LRCH4: variants seen among roughly 807,000 people sequenced by gnomAD.
LRCH4 encodes leucine-rich repeat and calponin homology domain-containing protein 4.
LRCH4 carries 56 observed loss-of-function variants against 81.2 expected under a neutral mutation model. The observed-to-expected ratio is 0.69, with a 90% CI of 0.56 to 0.86. LRCH4 has a LOEUF of 0.86. Among genes scored for constraint, LRCH4 ranks in the 40% least tolerant of loss-of-function variants. The pLI, the probability that LRCH4 is intolerant of heterozygous loss-of-function variation, is 0.00. For missense variants in LRCH4, 895 were observed against 922.8 expected, an observed-to-expected ratio of 0.97 and a Z score of 0.39; for synonymous variants, 442 against 409.7, an observed-to-expected ratio of 1.08 and a Z score of -0.95.
At chr7:100,576,835 T>C in intron 13 of LRCH4, 58 bp from the exon 14 acceptor site, 1 of 1,533,896 alleles carries the variant, frequency 6.5e-7, no homozygotes, top group Non-Finnish European at 8.9e-7. Context: ...ATCCCCTCTG[T>C]GTCCCTCTCT....
chr7:100,585,736 T>C (rs1792706968), intron 1 of LRCH4, 145 bp downstream of exon 1: 1 of 774,250 alleles, frequency 1.3e-6, no homozygotes, highest in Middle Eastern at 4.0e-4. Flanking sequence ...TGGGAGAGGA[T>C]GGCTGCAGGT....
rs2075668 is a variant in LRCH4 at position 100,575,858 on chromosome 7, A to C, written c.1776+13T>G. ...CCGGCCCATCCCCCACCTCTTCCCC[A>C]GCCCCAACTGACCACAGCAGGGGAG... On this transcript the variant is annotated intron_variant, in intron 16 of 17. Transcript: ENST00000310300. The surrounding 1 kb of genome is among the most constrained non-coding windows in gnomAD (Gnocchi z 5.3). 48 of 1,611,966 alleles carry C rather than the reference A, an allele frequency of 3.0e-5. No individual in the cohort carries two copies. In the Admixed American group the frequency reaches 7.8e-4, roughly 26 times the overall value.
Position 100,574,783 on chromosome 7 carries a change from A to G in LRCH4, c.*324T>C, listed in dbSNP as rs1462633522. 3 of 283,976 alleles carry G rather than the reference A, an allele frequency of 1.1e-5. No homozygotes were observed. In the East Asian group the frequency reaches 1.9e-4, roughly 18 times the overall value. The allele number at this position is 283,976 out of a possible 1,614,324, so 17.6% of individuals were successfully genotyped here. ...CCCCCATAGCAGCTGTTGGGGGGGG[A>G]AGGGGAGGGCACAGGAGGAAGGGGG... On this transcript the variant is annotated 3_prime_UTR_variant, in exon 18 of 18. Transcript: ENST00000310300.
At position 100,577,440 on chromosome 7, in the gene LRCH4, A is replaced by T; in HGVS notation, c.1179-51T>A. ...GGGCAGACCCCGGGGTCAGGGAAGGAGGCGGTTGGGGGGTGGGAGGATCGG... is the reference window on the plus strand; with the variant it reads ...GGGCAGACCCCGGGGTCAGGGAAGGTGGCGGTTGGGGGGTGGGAGGATCGG... On this transcript the variant is annotated intron_variant, in intron 10 of 17. Transcript: ENST00000310300. The surrounding 1 kb of genome is among the most constrained non-coding windows in gnomAD (Gnocchi z 6.7). The T allele has an allele frequency of 6.2e-7, 1 of 1,601,202 alleles. No individual in the cohort carries two copies. Among genetic ancestry groups the T allele is most frequent in the South Asian group, 1.1e-5 (1 of 91,062 alleles).
Position 100,575,384 on chromosome 7 carries a change from C to T in LRCH4, c.1855-80G>A, listed in dbSNP as rs1402447998. On this transcript the variant is annotated intron_variant, in intron 17 of 17. Coordinates refer to ENST00000310300, the MANE Select transcript of LRCH4 (RefSeq NM_002319.5). This position sits in a 1 kb window ranked among gnomAD's most constrained non-coding sequence, Gnocchi z 5.3. ...AGCAGGACAGTCCCTCCCACCCCTG[C>T]CCTCACGTGCTGGGGCCAGAACCAC... The T allele has an allele frequency of 3.8e-6, 5 of 1,325,208 alleles. No individual in the cohort carries two copies. The Admixed American group carries it at 8.4e-5, about 22-fold the overall frequency. The allele number at this position is 1,325,208 out of a possible 1,614,324, so 82.1% of individuals were successfully genotyped here. A position where few individuals can be genotyped will look rare whatever the true frequency, so the allele number is the denominator to read the frequency against.
chr7:100,585,380 G>A (rs376047488), intron 1 of LRCH4: 168 of 155,076 alleles, frequency 1.1e-3, no homozygotes, highest in African/African-American at 3.7e-3. Flanking sequence ...GGACCTTAGG[G>A]GGCGGGGTTG....
intron 1 of LRCH4, chr7:100,584,328 G>A (rs539812754): frequency 3.1e-5 from 13 of 424,952 alleles, no homozygotes; most frequent in African/African-American, 2.6e-4. Context: ...GTAGAGAGTG[G>A]GGCAGAGGAG....
rs1365438485 is a variant in LRCH4 at position 100,577,015 on chromosome 7, G to A, written c.1365-10C>T. On this transcript the variant is annotated splice_polypyrimidine_tract_variant and intron_variant, in intron 12 of 17. Transcript: ENST00000310300. This position sits in a 1 kb window ranked among gnomAD's most constrained non-coding sequence, Gnocchi z 6.7. The stretch of plus-strand genomic sequence containing the variant: ...GGACTTAGGCGAGCCGCTGAGGAGA[G>A]ACAGAAGGGAATTAGAGGGATGATG... 21 of 1,613,632 alleles carry A rather than the reference G, an allele frequency of 1.3e-5. No homozygotes were observed. Among genetic ancestry groups the A allele is most frequent in the Non-Finnish European group, 1.7e-5 (20 of 1,179,700 alleles).
chr7:100,576,819 A>C (rs1801376646), intron 13 of LRCH4, 42 bp from the exon 14 acceptor site: 1 of 1,544,982 alleles, frequency 6.5e-7, no homozygotes, highest in Non-Finnish European at 8.8e-7. Flanking sequence ...GGCAGGTGAG[A>C]CAGGCATCCC....
Position 100,582,282 on chromosome 7 carries a change from C to T in LRCH4, c.365+33G>A, listed in dbSNP as rs925099315. 1.5e-5 allele frequency: 24 copies of T among 1,613,740 alleles called. No homozygotes were observed. The highest frequency in any genetic ancestry group is 9.3e-5 in the African/African-American group (7 of 74,912). ...GTAGTACTTGAGACTGAGAAGCACACGCTCCCACGTGGCCCTGGCTCGGCC... is the reference window on the plus strand; with the variant it reads ...GTAGTACTTGAGACTGAGAAGCACATGCTCCCACGTGGCCCTGGCTCGGCC... On this transcript the variant is annotated intron_variant, in intron 2 of 17. Coordinates refer to ENST00000310300, the MANE Select transcript of LRCH4 (RefSeq NM_002319.5). The surrounding 1 kb of genome is among the most constrained non-coding windows in gnomAD (Gnocchi z 5.0).
At position 100,576,925 on chromosome 7, in the gene LRCH4, T is replaced by C; in HGVS notation, c.1445A>G (p.Glu482Gly). ...ACCTGGTCCAGCTATGGGAAGGGGC[T>C]CTTGGGAGGCAGGGGCAGGGGCGGG... ...GAPAPAPASQ[E>G]PLPIAGPATA... Residue 482 changes from glutamate to glycine, a missense_variant, in exon 13 of 18, where the codon GAG becomes GGG. Physicochemically the swap from Glu to Gly is moderately conservative, Grantham distance 98. Transcript: ENST00000310300. 1 of 1,563,898 alleles carries C rather than the reference T, an allele frequency of 6.4e-7. No homozygotes were observed. Among genetic ancestry groups the C allele is most frequent in the Non-Finnish European group, 8.7e-7 (1 of 1,152,426 alleles).
Position 100,575,700 on chromosome 7 carries a change from C to T in LRCH4, c.1854+5G>A. 6.2e-7 allele frequency: 1 copy of T among 1,614,120 alleles called. No homozygotes were observed. Among genetic ancestry groups the T allele is most frequent in the Non-Finnish European group, 8.5e-7 (1 of 1,179,948 alleles). On this transcript the variant is annotated splice_donor_5th_base_variant and intron_variant, in intron 17 of 17. Coordinates refer to ENST00000310300, the MANE Select transcript of LRCH4 (RefSeq NM_002319.5). This position sits in a 1 kb window ranked among gnomAD's most constrained non-coding sequence, Gnocchi z 5.3. ...CCACCACTCTTTAGAAAGCAGCCCC[C>T]ATACCTCAGGCACCCCCATTTTTCG... is the stretch of plus-strand genomic sequence containing the variant.
Position 100,577,058 on chromosome 7 carries a change from G to C in LRCH4, c.1364+28C>G, listed in dbSNP as rs752251851. On this transcript the variant is annotated intron_variant, in intron 12 of 17. Transcript: ENST00000310300. The surrounding 1 kb of genome is among the most constrained non-coding windows in gnomAD (Gnocchi z 6.7). The stretch of plus-strand genomic sequence containing the variant: ...GGATGATGGTCATAGGAAGAGGAGT[G>C]GGGAGGGGATGCTGGCAGGAAACCT... 1.2e-6 allele frequency: 2 copies of C among 1,614,070 alleles called. No individual in the cohort carries two copies. Among genetic ancestry groups the C allele is most frequent in the Non-Finnish European group, 8.5e-7 (1 of 1,179,948 alleles).
rs1449168673 is a variant in LRCH4 at position 100,577,266 on chromosome 7, G to A, written c.1295+7C>T. On this transcript the variant is annotated splice_region_variant and intron_variant, in intron 11 of 17. Coordinates refer to ENST00000310300, the MANE Select transcript of LRCH4 (RefSeq NM_002319.5). This position sits in a 1 kb window ranked among gnomAD's most constrained non-coding sequence, Gnocchi z 6.7. ...CAGCAACAGCCCCGGGCGGCCCTGG[G>A]TCCCACCTATCCTTCCTCGGGGCCC... 1.7e-5 allele frequency: 28 copies of A among 1,602,358 alleles called. No individual in the cohort carries two copies. Among genetic ancestry groups the A allele is most frequent in the Non-Finnish European group, 2.3e-5 (27 of 1,178,966 alleles).
Position 100,575,018 on chromosome 7 carries a change from C to A in LRCH4, c.*89G>T. On this transcript the variant is annotated 3_prime_UTR_variant, in exon 18 of 18. Coordinates refer to ENST00000310300, the MANE Select transcript of LRCH4 (RefSeq NM_002319.5). The surrounding 1 kb of genome is among the most constrained non-coding windows in gnomAD (Gnocchi z 5.3). The stretch of plus-strand genomic sequence containing the variant: ...GGTGCACTAGTGTCTTTGGTTGGGG[C>A]TGAAGGCACCGCAGGTGGGGTCGGG... The A allele has an allele frequency of 2.4e-6, 3 of 1,274,294 alleles. No homozygotes were observed. Among genetic ancestry groups the A allele is most frequent in the Non-Finnish European group, 3.2e-6 (3 of 924,252 alleles). 78.9% of individuals were successfully genotyped at this position (1,274,294 alleles called of 1,614,324 possible).
chr7:100,576,133 C>T, intron 15 of LRCH4, 105 bp downstream of exon 15: 4 of 1,474,788 alleles, frequency 2.7e-6, no homozygotes, highest in Non-Finnish European at 1.9e-6. Flanking sequence ...AGGGGAGGTG[C>T]CAGAGTGGGC....
At position 100,575,176 on chromosome 7, in the gene LRCH4, G is replaced by A. The variant is rs1219325818; in HGVS notation, c.1983C>T (p.Gly661=). 1.2e-6 allele frequency: 2 copies of A among 1,613,456 alleles called. No homozygotes were observed. The change falls in exon 18 of 18, where the codon GGC becomes GGT. Residue 661 remains glycine, a synonymous_variant. Transcript: ENST00000310300. The surrounding 1 kb of genome is among the most constrained non-coding windows in gnomAD (Gnocchi z 5.3). ...PPLWPPSGLG[G]FVVFYVVLML... is the part of the protein sequence containing the mutation. ...TGAGGACCACGTAGAAGACGACGAA[G>A]CCGCCCAGACCAGAGGGGGGCCAGA... is the stretch of plus-strand genomic sequence containing the variant.
rs930228333 is a variant in LRCH4 at position 100,583,464 on chromosome 7, G to A, written c.221-1005C>T. 2.0e-5 allele frequency among the ~76,000 whole-genome samples: 3 copies of A among 152,176 alleles called. No individual in the cohort carries two copies. Among genetic ancestry groups the A allele is most frequent in the Admixed American group, 6.5e-5 (1 of 15,288 alleles). On this transcript the variant is annotated intron_variant, in intron 1 of 17. Coordinates refer to ENST00000310300, the MANE Select transcript of LRCH4 (RefSeq NM_002319.5). This position sits in a 1 kb window ranked among gnomAD's most constrained non-coding sequence, Gnocchi z 4.3. ...GTCCTGGGAGGGGCCCAGGGCCCGCGAGGCGGAGTCCCAGGCCACAGACCT... is the reference window on the plus strand; with the variant it reads ...GTCCTGGGAGGGGCCCAGGGCCCGCAAGGCGGAGTCCCAGGCCACAGACCT...
At position 100,581,921 on chromosome 7, in the gene LRCH4, A is replaced by G. The variant is rs780155226; in HGVS notation, c.493-39T>C. 5.0e-6 allele frequency: 8 copies of G among 1,610,098 alleles called. No individual in the cohort carries two copies. The South Asian group carries it at 8.8e-5, about 18-fold the overall frequency. On this transcript the variant is annotated intron_variant, in intron 3 of 17. Coordinates refer to ENST00000310300, the MANE Select transcript of LRCH4 (RefSeq NM_002319.5). ...GGCAGTGGGAAGGGGCCATGAGACC[A>G]GGCCCAGCAGAACCCACCCTCCCAT...
Sources: gnomAD v4.1 joint callset for allele counts (sites outside exome capture counted in the v4.1 genomes callset) on GRCh38, gnomAD v4.1.1 for gene constraint, Gnocchi (gnomAD v3.1) non-coding constraint, MANE v1.5 for transcripts, NCBI Gene and HGNC (gene_info 2026-07-23, HGNC 2026-07-21) for gene names.